The following ZFAND3 variants were observed in gnomAD, a reference collection of about 807,000 sequenced individuals.
ZFAND3 encodes the protein zinc finger AN1-type containing 3.
Under a neutral mutation model 29.6 loss-of-function variants are expected in ZFAND3, and 10 were observed. That is an observed-to-expected ratio of 0.34 (90% confidence interval 0.21 to 0.57). The LOEUF is 0.57. ZFAND3 is among the 20% of genes least tolerant of loss of function. The pLI, the probability that ZFAND3 is intolerant of heterozygous loss-of-function variation, is 0.86. For synonymous variants in ZFAND3, 128 were observed against 112.6 expected (o/e 1.14, Z -0.87); for missense variants, 230 against 304.5 (o/e 0.76, Z 1.82).
At chr6:37,880,462 ATGTCC>A (rs1343292710) in intron 1 of ZFAND3, among the ~76,000 whole-genome samples, 2 of 152,180 alleles carry the variant, frequency 1.3e-5, no homozygotes, top group African/African-American at 2.4e-5. Flanking sequence ...TTCACCAGAG[ATGTCC>A]TGAAGTTGAC....
intron 1 of ZFAND3, among the ~76,000 whole-genome samples, chr6:37,927,567 T>C (rs552851526): frequency 1.5e-3 from 230 of 152,372 alleles, no homozygotes; most frequent in African/African-American, 5.2e-3. Flanking sequence ...GAGGCGCCTC[T>C]AGTTCAAGTT....
chr6:37,973,496 CTGTGCTATCCAACATGGTAGCTACA>C (rs935878057), intron 2 of ZFAND3, among the ~76,000 whole-genome samples: 1 of 152,230 alleles, frequency 6.6e-6, no homozygotes, highest in African/African-American at 2.4e-5. Context: ...TGTTCTCTAT[CTGTGCTATCCAACATGGTAGCTACA>C]TGTGGTTATT....
intron 2 of ZFAND3, among the ~76,000 whole-genome samples, chr6:37,946,960 C>T (rs950177976): frequency 1.3e-5 from 2 of 152,056 alleles, no homozygotes; most frequent in African/African-American, 4.8e-5. Context: ...GATGTTAAAG[C>T]TCTGGAGATG....
chr6:38,154,391 G>A lies in ZFAND3; in HGVS notation c.*2002G>A, dbSNP rs1287662495. ...TTAGAGCTGGGGGGGGTGGGGGGTGGGGCTTGTTCCCCTGCAGTATCTGTT... is the reference window on the plus strand; with the variant it reads ...TTAGAGCTGGGGGGGGTGGGGGGTGAGGCTTGTTCCCCTGCAGTATCTGTT... On this transcript the variant is annotated 3_prime_UTR_variant, in exon 6 of 6. Coordinates refer to ENST00000287218, the MANE Select transcript of ZFAND3 (RefSeq NM_021943.3). The A allele has an allele frequency of 4.2e-6, 2 of 471,710 alleles. No homozygotes were observed. Among genetic ancestry groups the A allele is most frequent in the East Asian group, 1.6e-4 (1 of 6,424 alleles). 29.2% of individuals were successfully genotyped at this position (471,710 alleles called of 1,614,324 possible). A position where few individuals can be genotyped will look rare whatever the true frequency, so the allele number is the denominator to read the frequency against.
intron 1 of ZFAND3, among the ~76,000 whole-genome samples, chr6:37,922,662 G>A (rs1336926689): frequency 1.3e-5 from 2 of 152,166 alleles, no homozygotes; most frequent in African/African-American, 4.8e-5. Context: ...ATATGGTATA[G>A]CCTGTTGCTC....
intron 1 of ZFAND3, among the ~76,000 whole-genome samples, chr6:37,867,823 T>C (rs1581720954): frequency 1.3e-5 from 2 of 152,196 alleles, no homozygotes; most frequent in South Asian, 2.1e-4. Context: ...ATATTAGAGA[T>C]AGTGTACTAT....
chr6:37,853,063 A>G (rs1764311562), intron 1 of ZFAND3, among the ~76,000 whole-genome samples: 1 of 152,108 alleles, frequency 6.6e-6, no homozygotes, highest in Non-Finnish European at 1.5e-5. Flanking sequence ...TAGGTCAATA[A>G]TGTCTATTTT....
intron 5 of ZFAND3, among the ~76,000 whole-genome samples, chr6:38,134,220 T>C (rs756427424): frequency 5.4e-4 from 82 of 152,206 alleles, no homozygotes; most frequent in Non-Finnish European, 9.6e-4. Context: ...TGGCATTTAA[T>C]TCTGTTGACA....
chr6:38,110,963 A>G (rs556149001), intron 4 of ZFAND3, among the ~76,000 whole-genome samples: 1 of 152,244 alleles, frequency 6.6e-6, no homozygotes. Flanking sequence ...GACAGGCATG[A>G]CACAATTTAT....
At chr6:38,037,769 C>G (rs181566073) in intron 2 of ZFAND3, among the ~76,000 whole-genome samples, 88 of 152,176 alleles carry the variant, frequency 5.8e-4, no homozygotes, top group African/African-American at 2.0e-3. Flanking sequence ...GAAAGGCGGG[C>G]GTGTAGGTTA....
rs555473259 is a variant in ZFAND3, at chr6:38,143,538, T to TG, written c.530-8692dup. Reference sequence around the variant, plus strand: ...CATGTAACTGATATTTTAATTTATTTGGGGGAAAGCAGATGATTGCTTCTC... The same window carrying TG: ...CATGTAACTGATATTTTAATTTATTTGGGGGGAAAGCAGATGATTGCTTCTC... On this transcript the variant is annotated intron_variant, in intron 5 of 5. Coordinates refer to ENST00000287218, the MANE Select transcript of ZFAND3 (RefSeq NM_021943.3). Among the ~76,000 whole-genome samples the TG allele has an allele frequency of 1.3e-3, 198 of 152,376 alleles. 2 individuals are homozygous for TG. Among genetic ancestry groups the TG allele is most frequent in the African/African-American group, 4.5e-3 (188 of 41,590 alleles).
intron 4 of ZFAND3, among the ~76,000 whole-genome samples, chr6:38,094,005 A>T (rs955669336): frequency 6.6e-6 from 1 of 152,222 alleles, no homozygotes; most frequent in Non-Finnish European, 1.5e-5. Context: ...GCAGAAACCC[A>T]GAAGGGTTAT....
At chr6:37,948,492 C>T (rs1372765680) in intron 2 of ZFAND3, among the ~76,000 whole-genome samples, 2 of 152,114 alleles carry the variant, frequency 1.3e-5, no homozygotes, top group East Asian at 3.8e-4. Flanking sequence ...ACTTAGGGGG[C>T]ACATGGGCAC....
intron 1 of ZFAND3, among the ~76,000 whole-genome samples, chr6:37,836,626 G>A (rs1395091560): frequency 6.6e-6 from 1 of 152,110 alleles, no homozygotes; most frequent in Non-Finnish European, 1.5e-5. Context: ...TGGTACCAGG[G>A]TATGTTTTGT....
In ZFAND3 at chr6:37,927,835, G is replaced by A. The variant is rs1310269550; in HGVS notation, c.72-2124G>A. On this transcript the variant is annotated intron_variant, in intron 1 of 5. Transcript: ENST00000287218. Reference sequence around the variant, plus strand: ...CAGCTTCTATATTGGGGCAGAGGCCGAAGTTTGGCATGATGAATAGAATAC... The same window carrying A: ...CAGCTTCTATATTGGGGCAGAGGCCAAAGTTTGGCATGATGAATAGAATAC... Among the ~76,000 whole-genome samples, 4 of 152,192 alleles carry A rather than the reference G, an allele frequency of 2.6e-5. No homozygotes were observed. The East Asian group carries it at 5.8e-4, about 22-fold the overall frequency.
intron 3 of ZFAND3, among the ~76,000 whole-genome samples, chr6:38,066,329 T>A (rs1313724228): frequency 1.3e-5 from 2 of 152,156 alleles, no homozygotes; most frequent in Non-Finnish European, 2.9e-5. Flanking sequence ...ATCTTGCAAA[T>A]TTTTTAAGCT....
chr6:38,122,562 T>C (rs946628149), intron 5 of ZFAND3, among the ~76,000 whole-genome samples: 1 of 152,126 alleles, frequency 6.6e-6, no homozygotes, highest in Non-Finnish European at 1.5e-5. Flanking sequence ...CTTTCTTCAG[T>C]GGTGGGGGGA....
intron 2 of ZFAND3, among the ~76,000 whole-genome samples, chr6:38,031,366 T>A (rs2127451806): frequency 6.6e-6 from 1 of 152,354 alleles, no homozygotes; most frequent in South Asian, 2.1e-4. Flanking sequence ...ATTCTCCTGA[T>A]CTTCAGCAGA....
intron 4 of ZFAND3, among the ~76,000 whole-genome samples, chr6:38,115,010 A>G (rs1157322317): frequency 6.6e-6 from 1 of 152,260 alleles, no homozygotes; most frequent in Admixed American, 6.5e-5. Context: ...TCAGTGATCT[A>G]GAAGTGATGA....
Sources: allele counts gnomAD v4.1 joint callset (sites outside exome capture counted in the v4.1 genomes callset), GRCh38; gene constraint gnomAD v4.1.1; transcripts MANE v1.5; gene names NCBI Gene and HGNC (gene_info 2026-07-23, HGNC 2026-07-21).